The following SHISA9 variants were observed in gnomAD, a reference collection of about 807,000 sequenced individuals.
SHISA9 encodes the protein shisa family member 9, also known as protein shisa-9.
In SHISA9, 13 loss-of-function variants were observed where a neutral mutation model predicts 38.0. The observed-to-expected ratio is 0.34, with a 90% CI of 0.22 to 0.54. The LOEUF (loss-of-function observed/expected upper bound fraction) is 0.54, where lower values mean the gene tolerates loss of function less well. Among genes scored for constraint, SHISA9 ranks in the 20% least tolerant of loss-of-function variants. The probability of loss-of-function intolerance (pLI) is 0.91; values close to 1 mark genes in which losing one functional copy is unlikely to be tolerated. For synonymous variants in SHISA9, 275 were observed against 242.0 expected (o/e 1.14, Z -1.27); for missense variants, 538 against 575.8 (o/e 0.93, Z 0.67).
chr16:13,438,207 G>C, the SHISA9 span, among the ~76,000 whole-genome samples: 2 of 152,110 alleles, frequency 1.3e-5, no homozygotes, highest in African/African-American at 4.8e-5. Context: ...GAGAATATCT[G>C]CAAGGCATTC....
chr16:13,473,829 C>T, the SHISA9 span, among the ~76,000 whole-genome samples: 3 of 152,128 alleles, frequency 2.0e-5, no homozygotes, highest in African/African-American at 4.8e-5. Context: ...TTAAATAACA[C>T]AGCTATTCTT....
the SHISA9 span, among the ~76,000 whole-genome samples, chr16:13,290,561 G>A: frequency 2.0e-5 from 3 of 152,128 alleles, no homozygotes; most frequent in African/African-American, 2.4e-5. Context: ...ATTAATCTGA[G>A]CCCTGAATCC....
At chr16:13,414,242 C>G in the SHISA9 span, among the ~76,000 whole-genome samples, 1 of 152,126 alleles carries the variant, frequency 6.6e-6, no homozygotes, top group African/African-American at 2.4e-5. Flanking sequence ...CTATGCCACC[C>G]CTCTGTGTTG....
intron 2 of SHISA9, among the ~76,000 whole-genome samples, chr16:13,111,039 T>C (rs533636204): frequency 3.3e-5 from 5 of 152,134 alleles, no homozygotes; most frequent in Admixed American, 1.3e-4. Context: ...ATACAAAAAT[T>C]AACTCAAGAT....
chr16:13,404,096 C>T, the SHISA9 span, among the ~76,000 whole-genome samples: 5 of 152,208 alleles, frequency 3.3e-5, no homozygotes, highest in Non-Finnish European at 7.3e-5. Flanking sequence ...GAACTTTCCT[C>T]TATTATTTTG....
chr16:13,505,775 T>C, the SHISA9 span, among the ~76,000 whole-genome samples: 1 of 152,222 alleles, frequency 6.6e-6, no homozygotes, highest in Non-Finnish European at 1.5e-5. Context: ...ACTGTGATTG[T>C]TAAAGCTTGT....
At chr16:13,522,459 T>C in the SHISA9 span, among the ~76,000 whole-genome samples, 1 of 152,108 alleles carries the variant, frequency 6.6e-6, no homozygotes, top group Non-Finnish European at 1.5e-5. Context: ...CTATTAATGA[T>C]GTTGACCTCA....
the SHISA9 span, among the ~76,000 whole-genome samples, chr16:13,273,424 C>G: frequency 1.3e-5 from 2 of 152,088 alleles, no homozygotes; most frequent in African/African-American, 4.8e-5. Context: ...TGCTGTTCTC[C>G]TGATAGCGAA....
chr16:13,011,463 T>A (rs904561914), intron 2 of SHISA9, among the ~76,000 whole-genome samples: 4 of 152,086 alleles, frequency 2.6e-5, no homozygotes, highest in Non-Finnish European at 5.9e-5. Context: ...TTGTGTCCTT[T>A]ACCCACATCT....
intron 2 of SHISA9, among the ~76,000 whole-genome samples, chr16:12,944,395 T>C (rs1165267542): frequency 1.3e-5 from 2 of 152,230 alleles, no homozygotes; most frequent in Non-Finnish European, 2.9e-5. Context: ...TACTTGACAG[T>C]CAGTCAATAC....
At chr16:13,048,644 A>T (rs371829203) in intron 2 of SHISA9, among the ~76,000 whole-genome samples, 1 of 151,958 alleles carries the variant, frequency 6.6e-6, no homozygotes, top group African/African-American at 2.4e-5. Context: ...CTGGTCTCAA[A>T]CTCCTGACCT....
At chr16:13,278,957 T>A in the SHISA9 span, among the ~76,000 whole-genome samples, 2 of 151,936 alleles carry the variant, frequency 1.3e-5, no homozygotes, top group African/African-American at 4.8e-5. Context: ...TGGGTTTGGG[T>A]TTGGTTTGTT....
the SHISA9 span, among the ~76,000 whole-genome samples, chr16:13,400,563 A>T: frequency 6.6e-6 from 1 of 152,176 alleles, no homozygotes; most frequent in Admixed American, 6.5e-5. Flanking sequence ...GTCTAACAGG[A>T]GGGCTTCAGC....
rs3075124 is a variant in SHISA9, at chr16:13,148,689, GCACA to G, written c.692-54678_692-54675del. On this transcript the variant is annotated intron_variant, in intron 2 of 4. Coordinates refer to ENST00000558583, the MANE Select transcript of SHISA9 (RefSeq NM_001145204.3). ...TCCTCATTCTCTCACACATACACAA[GCACA>G]CACACACACACACACACACACACAC... Among the ~76,000 whole-genome samples, 955 of 132,534 alleles carry G rather than the reference GCACA, an allele frequency of 7.2e-3. 4 individuals carry two copies. Among genetic ancestry groups the G allele is most frequent in the Non-Finnish European group, 9.6e-3 (614 of 63,750 alleles). The allele number at this position is 132,534 out of a possible 152,430, so 86.9% of individuals were successfully genotyped here.
intron 2 of SHISA9, among the ~76,000 whole-genome samples, chr16:13,129,769 C>T (rs914068987): frequency 2.6e-5 from 4 of 152,098 alleles, no homozygotes; most frequent in African/African-American, 9.7e-5. Context: ...GAAGTCTGAC[C>T]TCTAGACCTG....
chr16:13,551,079 A>T, the SHISA9 span, among the ~76,000 whole-genome samples: 41 of 151,200 alleles, frequency 2.7e-4, no homozygotes, highest in East Asian at 7.7e-3. Flanking sequence ...AGCCGAGATC[A>T]CGCCACTGCA....
chr16:13,092,272 G>A (rs933179022), intron 2 of SHISA9, among the ~76,000 whole-genome samples: 6 of 152,230 alleles, frequency 3.9e-5, no homozygotes, highest in Non-Finnish European at 8.8e-5. Flanking sequence ...TAGGCTACAT[G>A]GGAGTCGGGG....
At chr16:13,207,981 A>G (rs148123590) in intron 3 of SHISA9, among the ~76,000 whole-genome samples, 12 of 152,314 alleles carry the variant, frequency 7.9e-5, no homozygotes, top group African/African-American at 2.4e-4. Flanking sequence ...ATTCACTGGT[A>G]AGCTCAAAAA....
the SHISA9 span, among the ~76,000 whole-genome samples, chr16:13,437,685 C>CTGT: frequency 6.6e-6 from 1 of 152,040 alleles, no homozygotes; most frequent in Non-Finnish European, 1.5e-5. Context: ...ATTCTGGGGG[C>CTGT]CCAGAGCATT....
Sources: gnomAD v4.1 joint callset for allele counts (sites outside exome capture counted in the v4.1 genomes callset) on GRCh38, gnomAD v4.1.1 for gene constraint, MANE v1.5 for transcripts, NCBI Gene and HGNC (gene_info 2026-07-23, HGNC 2026-07-21) for gene names.